The following FHIT variants were observed in gnomAD, a reference collection of about 807,000 sequenced individuals.
The protein encoded by FHIT is fragile histidine triad diadenosine triphosphatase.
Under a neutral mutation model 17.9 loss-of-function variants are expected in FHIT, and 19 were observed. That is an observed-to-expected ratio of 1.06 (90% confidence interval 0.74 to 1.56). The LOEUF (loss-of-function observed/expected upper bound fraction) is 1.56, where lower values mean the gene tolerates loss of function less well. Ranked by LOEUF, FHIT falls within the 40% of genes most tolerant of loss-of-function variation. The probability of loss-of-function intolerance (pLI) is 0.00; values close to 1 mark genes in which losing one functional copy is unlikely to be tolerated. For missense variants in FHIT, 248 were observed against 189.2 expected (o/e 1.31, Z -1.82); for synonymous variants, 81 against 69.7 (o/e 1.16, Z -0.81).
chr3:60,792,192 C>T (rs1256890118), intron 4 of FHIT, among the ~76,000 whole-genome samples: 1 of 152,210 alleles, frequency 6.6e-6, no homozygotes, highest in Non-Finnish European at 1.5e-5. Flanking sequence ...ATTTAGACAC[C>T]GTTTTCTCCT....
At chr3:60,657,626 T>G (rs2040149418) in intron 4 of FHIT, among the ~76,000 whole-genome samples, 1 of 152,170 alleles carries the variant, frequency 6.6e-6, no homozygotes, top group Non-Finnish European at 1.5e-5. Flanking sequence ...TGACCAAACG[T>G]TAATCAGGCT....
intron 5 of FHIT, among the ~76,000 whole-genome samples, chr3:60,522,625 A>T (rs2035415169): frequency 6.6e-6 from 1 of 152,306 alleles, no homozygotes; most frequent in Non-Finnish European, 1.5e-5. Flanking sequence ...GACTCAGAAC[A>T]TATTTTTGAG....
intron 2 of FHIT, among the ~76,000 whole-genome samples, chr3:61,048,124 T>C (rs1042643109): frequency 2.0e-4 from 31 of 151,752 alleles, no homozygotes; most frequent in Middle Eastern, 3.4e-3. Context: ...AATTGACAAA[T>C]GGGATCTAAT....
intron 5 of FHIT, among the ~76,000 whole-genome samples, chr3:60,252,606 A>G (rs1400774815): frequency 6.6e-6 from 1 of 152,012 alleles, no homozygotes; most frequent in East Asian, 1.9e-4. Context: ...ACGTGTGCTC[A>G]AAGGGTATTA....
chr3:60,088,139 G>C (rs564636308), intron 5 of FHIT, among the ~76,000 whole-genome samples: 5 of 152,180 alleles, frequency 3.3e-5, no homozygotes, highest in African/African-American at 1.2e-4. Flanking sequence ...CAAGGTGCTA[G>C]TCTCTTTTCA....
At chr3:60,232,108 T>C (rs779984013) in intron 5 of FHIT, among the ~76,000 whole-genome samples, 1 of 152,164 alleles carries the variant, frequency 6.6e-6, no homozygotes, top group South Asian at 2.1e-4. Flanking sequence ...AAATGGTATG[T>C]GCCACATTAT....
rs1702092670 is a variant in FHIT, at chr3:60,825,862, A to C, written c.-110-3851T>G. On this transcript the variant is annotated intron_variant, in intron 3 of 9. Transcript: ENST00000492590. ...AAAGTATAAACAACGGACTAGTCAAATACATCCCAAATTTATGGTAGGGAA... is the reference window on the plus strand; with the variant it reads ...AAAGTATAAACAACGGACTAGTCAACTACATCCCAAATTTATGGTAGGGAA... Among the ~76,000 whole-genome samples, 3 of 152,330 alleles carry C rather than the reference A, an allele frequency of 2.0e-5. No homozygotes were observed. In the South Asian group the frequency reaches 6.2e-4, roughly 32 times the overall value.
intron 5 of FHIT, among the ~76,000 whole-genome samples, chr3:60,519,036 G>A (rs894645453): frequency 2.0e-5 from 3 of 152,094 alleles, no homozygotes; most frequent in African/African-American, 4.8e-5. Flanking sequence ...ATATTAAAAC[G>A]TCAGAAAAAT....
intron 2 of FHIT, among the ~76,000 whole-genome samples, chr3:61,189,227 C>T (rs185631601): frequency 1.3e-5 from 2 of 152,204 alleles, no homozygotes; most frequent in Admixed American, 6.5e-5. Flanking sequence ...TAGGTAACTT[C>T]GGCTAAGTCT....
chr3:60,937,848 C>A (rs1208697914), intron 3 of FHIT, among the ~76,000 whole-genome samples: 3 of 152,112 alleles, frequency 2.0e-5, no homozygotes, highest in African/African-American at 7.2e-5. Flanking sequence ...AGGGGTGAGC[C>A]ACCACGCCCG....
intron 2 of FHIT, among the ~76,000 whole-genome samples, chr3:61,045,212 A>T (rs2033724457): frequency 6.6e-6 from 1 of 152,252 alleles, no homozygotes; most frequent in Non-Finnish European, 1.5e-5. Flanking sequence ...GTCAAGACTC[A>T]TCAGTGTGCT....
intron 2 of FHIT, among the ~76,000 whole-genome samples, chr3:61,045,535 T>G (rs772246377): frequency 6.6e-6 from 1 of 152,060 alleles, no homozygotes; most frequent in Non-Finnish European, 1.5e-5. Context: ...CACACAATAA[T>G]AATGGGAGGC....
intron 5 of FHIT, among the ~76,000 whole-genome samples, chr3:60,388,066 C>G (rs1701080680): frequency 6.6e-6 from 1 of 152,182 alleles, no homozygotes; most frequent in African/African-American, 2.4e-5. Flanking sequence ...CTACCAGAAG[C>G]AGATATTGTT....
intron 3 of FHIT, among the ~76,000 whole-genome samples, chr3:60,932,931 C>A (rs1708036200): frequency 6.6e-6 from 1 of 152,140 alleles, no homozygotes; most frequent in Non-Finnish European, 1.5e-5. Flanking sequence ...ACTCAGCAAA[C>A]TGGCTCCCAG....
Position 60,106,292 on chromosome 3 carries a change from A to C in FHIT, c.104-92140T>G, listed in dbSNP as rs532055091. 3.3e-5 allele frequency among the ~76,000 whole-genome samples: 5 copies of C among 152,348 alleles called. No individual in the cohort carries two copies. In the East Asian group the frequency reaches 5.8e-4, roughly 18 times the overall value. Reference sequence around the variant, plus strand: ...AAGTATCTCTTTTAAGTGAAAAGTCAAAAGTTCCTGATTTAGTAAAGAGAA... The same window carrying C: ...AAGTATCTCTTTTAAGTGAAAAGTCCAAAGTTCCTGATTTAGTAAAGAGAA... On this transcript the variant is annotated intron_variant, in intron 5 of 9. Transcript: ENST00000492590.
chr3:60,330,635 T>C (rs1709921969), intron 5 of FHIT, among the ~76,000 whole-genome samples: 1 of 152,176 alleles, frequency 6.6e-6, no homozygotes. Flanking sequence ...TTTCTAGAAA[T>C]TTATCCTAAG....
intron 3 of FHIT, among the ~76,000 whole-genome samples, chr3:60,839,396 T>A (rs1281659645): frequency 1.3e-5 from 2 of 152,174 alleles, no homozygotes; most frequent in Admixed American, 1.3e-4. Flanking sequence ...ATGACTTCAG[T>A]GTCTCTGTGA....
At chr3:60,166,653 T>G (rs1241588997) in intron 5 of FHIT, among the ~76,000 whole-genome samples, 1 of 152,190 alleles carries the variant, frequency 6.6e-6, no homozygotes, top group Non-Finnish European at 1.5e-5. Flanking sequence ...ACTTGGACCC[T>G]ATGACCTTCA....
intron 8 of FHIT, among the ~76,000 whole-genome samples, chr3:59,918,668 T>C (rs979431230): frequency 3.3e-5 from 5 of 152,090 alleles, no homozygotes; most frequent in Non-Finnish European, 7.4e-5. Context: ...GCCCATGAAA[T>C]AGGCAAGGAT....
Sources: gnomAD v4.1 joint callset for allele counts (sites outside exome capture counted in the v4.1 genomes callset) on GRCh38, gnomAD v4.1.1 for gene constraint, MANE v1.5 for transcripts, NCBI Gene and HGNC (gene_info 2026-07-23, HGNC 2026-07-21) for gene names.